Variants in SUMF1 observed in about 807,000 individuals in gnomAD.
SUMF1 encodes the protein formylglycine-generating enzyme.
Under a neutral mutation model 47.6 loss-of-function variants are expected in SUMF1, and 48 were observed. The observed-to-expected ratio is 1.01, with a 90% CI of 0.80 to 1.28. The LOEUF (loss-of-function observed/expected upper bound fraction) is 1.28, where lower values mean the gene tolerates loss of function less well. SUMF1 is among the 50% of genes most tolerant of loss of function. The pLI, the probability that SUMF1 is intolerant of heterozygous loss-of-function variation, is 0.00. For missense variants in SUMF1, 571 were observed against 485.4 expected, an observed-to-expected ratio of 1.18 and a Z score of -1.66; for synonymous variants, 230 against 192.1, an observed-to-expected ratio of 1.20 and a Z score of -1.63.
intron 8 of SUMF1, among the ~76,000 whole-genome samples, chr3:4,083,241 A>G (rs1692603835): frequency 6.6e-6 from 1 of 152,162 alleles, no homozygotes; most frequent in South Asian, 2.1e-4. Flanking sequence ...CGGCTACACA[A>G]TTGGAACCTC....
chr3:4,273,069 T>C (rs1453029143), intron 8 of SUMF1, among the ~76,000 whole-genome samples: 1 of 149,902 alleles, frequency 6.7e-6, no homozygotes, highest in Non-Finnish European at 1.5e-5. Context: ...CCAAAATATA[T>C]ACATATATAT....
intron 6 of SUMF1, among the ~76,000 whole-genome samples, chr3:4,411,715 A>AC (rs1392479752): frequency 6.6e-6 from 1 of 151,908 alleles, no homozygotes; most frequent in African/African-American, 2.4e-5. Context: ...GAAAAAAAAA[A>AC]AAAAAAAACT....
At chr3:4,447,720 C>T (rs567076460) in intron 3 of SUMF1, among the ~76,000 whole-genome samples, 1 of 152,294 alleles carries the variant, frequency 6.6e-6, no homozygotes, top group East Asian at 1.9e-4. Flanking sequence ...AAAAGGTTTG[C>T]TTTTCCATTA....
At chr3:4,417,549 A>G (rs1312832280) in intron 5 of SUMF1, among the ~76,000 whole-genome samples, 1 of 152,230 alleles carries the variant, frequency 6.6e-6, no homozygotes, top group African/African-American at 2.4e-5. Context: ...CTTATATGGT[A>G]GTGTGATCAG....
At chr3:4,351,415 G>C (rs1380003682) in intron 8 of SUMF1, among the ~76,000 whole-genome samples, 1 of 152,154 alleles carries the variant, frequency 6.6e-6, no homozygotes, top group Non-Finnish European at 1.5e-5. Context: ...TCTTATCAAG[G>C]AAGTCCTCTC....
At chr3:4,063,299 C>G (rs1695303954) in intron 9 of SUMF1, among the ~76,000 whole-genome samples, 1 of 151,992 alleles carries the variant, frequency 6.6e-6, no homozygotes, top group African/African-American at 2.4e-5. Flanking sequence ...CAAGAGCCAG[C>G]CTTACAAACA....
intron 8 of SUMF1, among the ~76,000 whole-genome samples, chr3:4,279,500 C>T (rs1484049587): frequency 6.6e-6 from 1 of 152,054 alleles, no homozygotes; most frequent in Non-Finnish European, 1.5e-5. Context: ...ACAACTCTCT[C>T]CAAGATATAC....
intron 8 of SUMF1, among the ~76,000 whole-genome samples, chr3:4,187,570 GA>G (rs1300923022): frequency 6.6e-6 from 1 of 152,090 alleles, no homozygotes; most frequent in Admixed American, 6.6e-5. Context: ...CAAAATTGAG[GA>G]ATTAAAATTG....
rs77114592 is a variant in SUMF1, at chr3:4,247,998, T to G, written c.1014+128332A>C. 1.9e-3 allele frequency among the ~76,000 whole-genome samples: 287 copies of G among 152,382 alleles called. 2 individuals carry two copies. The highest frequency in any genetic ancestry group is 6.7e-3 in the African/African-American group (280 of 41,596). On this transcript the variant is annotated intron_variant and NMD_transcript_variant, in intron 8 of 12. Coordinates refer to the SUMF1 transcript ENST00000448413. ...CAAAGGCATGGGGAAAATTACCTATTTCATCAGAAAATATTTTGTAAAATG... is the reference window on the plus strand; with the variant it reads ...CAAAGGCATGGGGAAAATTACCTATGTCATCAGAAAATATTTTGTAAAATG...
intron 7 of SUMF1, among the ~76,000 whole-genome samples, chr3:4,398,121 CCAT>C (rs1490235417): frequency 6.6e-6 from 1 of 152,108 alleles, no homozygotes; most frequent in Non-Finnish European, 1.5e-5. Flanking sequence ...ATGCTTTTAA[CCAT>C]CATGCTATAC....
At position 4,108,883 on chromosome 3, in the gene SUMF1, G is replaced by C. The variant is rs985303465; in HGVS notation, c.1015-40138C>G. ...TGGGTCTTGACTCTTTATCCAATTT[G>C]CCAGTCTGTGTCTTTTAATTGGAGC... On this transcript the variant is annotated intron_variant and NMD_transcript_variant, in intron 8 of 12. Transcript: ENST00000448413. Among the ~76,000 whole-genome samples, 103 of 152,062 alleles carry C rather than the reference G, an allele frequency of 6.8e-4. 2 individuals carry two copies. The highest frequency in any genetic ancestry group is 2.3e-3 in the African/African-American group (95 of 41,452).
chr3:4,271,801 G>T (rs310694), intron 8 of SUMF1, among the ~76,000 whole-genome samples: 24,611 of 151,980 alleles, frequency 0.16, 2,302 homozygotes, highest in South Asian at 0.38. Flanking sequence ...CCTGGTCTAT[G>T]CCATCAATTT....
At chr3:4,402,120 C>T (rs1701231690) in intron 7 of SUMF1, among the ~76,000 whole-genome samples, 1 of 152,162 alleles carries the variant, frequency 6.6e-6, no homozygotes, top group Non-Finnish European at 1.5e-5. Flanking sequence ...GGGCTAAGGG[C>T]AAGTGGAGGG....
intron 8 of SUMF1, among the ~76,000 whole-genome samples, chr3:4,235,128 G>GA (rs1696380461): frequency 6.6e-6 from 1 of 152,148 alleles, no homozygotes; most frequent in African/African-American, 2.4e-5. Context: ...GGCTGGACAA[G>GA]AGCAACAGCA....
At chr3:4,239,959 T>C (rs921348378) in intron 8 of SUMF1, among the ~76,000 whole-genome samples, 2 of 152,150 alleles carry the variant, frequency 1.3e-5, no homozygotes, top group African/African-American at 4.8e-5. Flanking sequence ...CCTAGTTTAT[T>C]GAGAGTTTTT....
rs147719568 is a variant in SUMF1, at chr3:4,127,677, C to G, written c.1015-58932G>C. 7.0e-4 allele frequency among the ~76,000 whole-genome samples: 106 copies of G among 152,220 alleles called. 2 individuals carry two copies. The highest frequency in any genetic ancestry group is 4.2e-3 in the South Asian group (20 of 4,816). On this transcript the variant is annotated intron_variant and NMD_transcript_variant, in intron 8 of 12. Transcript: ENST00000448413. ...GTGAGTTAATACTTAATAAACCCCCCTTTGTATAAATATTATATATATTCC... is the reference window on the plus strand; with the variant it reads ...GTGAGTTAATACTTAATAAACCCCCGTTTGTATAAATATTATATATATTCC...
chr3:4,129,852 GGTCCCTGGACTCATCCT>G, intron 8 of SUMF1, among the ~76,000 whole-genome samples: 1 of 152,108 alleles, frequency 6.6e-6, no homozygotes, highest in Non-Finnish European at 1.5e-5. Flanking sequence ...GGGTCCAGTG[GGTCCCTGGACTCATCCT>G]GTCATCATTT....
Position 4,046,994 on chromosome 3 carries a change from C to T in SUMF1, c.1191+21575G>A, listed in dbSNP as rs555565197. ...CACCGCATCGCTTACCACTAACACCCTAGCTCACTGGGATTTGTGCCACAC... is the reference window on the plus strand; with the variant it reads ...CACCGCATCGCTTACCACTAACACCTTAGCTCACTGGGATTTGTGCCACAC... On this transcript the variant is annotated intron_variant and NMD_transcript_variant, in intron 9 of 12. Coordinates refer to the SUMF1 transcript ENST00000448413. Among the ~76,000 whole-genome samples, 104 of 152,172 alleles carry T rather than the reference C, an allele frequency of 6.8e-4. 1 individual carries two copies. The highest frequency in any genetic ancestry group is 2.2e-3 in the African/African-American group (93 of 41,530).
chr3:4,045,097 T>C (rs144458635), intron 9 of SUMF1, among the ~76,000 whole-genome samples: 1 of 152,314 alleles, frequency 6.6e-6, no homozygotes, highest in African/African-American at 2.4e-5. Context: ...AATCTAGGTG[T>C]TTCTGCAAAG....
Sources: gnomAD v4.1 joint callset for allele counts (sites outside exome capture counted in the v4.1 genomes callset) on GRCh38, gnomAD v4.1.1 for gene constraint, MANE v1.5 for transcripts, NCBI Gene and HGNC (gene_info 2026-07-23, HGNC 2026-07-21) for gene names.